Variants in TNS3 observed in about 807,000 individuals in gnomAD.
TNS3 encodes the protein tensin 3, also known as tensin-3.
Under a neutral mutation model 140.9 loss-of-function variants are expected in TNS3, and 45 were observed. The observed-to-expected ratio is 0.32, with a 90% CI of 0.25 to 0.41. The LOEUF (loss-of-function observed/expected upper bound fraction) is 0.41, where lower values mean the gene tolerates loss of function less well. TNS3 is among the 10% of genes least tolerant of loss of function. The pLI is 1.00. For synonymous variants in TNS3, 815 were observed against 788.4 expected (o/e 1.03, Z -0.56); for missense variants, 1,716 against 1,906.7 (o/e 0.90, Z 1.86).
At chr7:47,524,528 C>A (rs1416563525) in intron 2 of TNS3, among the ~76,000 whole-genome samples, 1 of 151,958 alleles carries the variant, frequency 6.6e-6, no homozygotes, top group Non-Finnish European at 1.5e-5. Flanking sequence ...GGAGGCCGGG[C>A]GCGGTGGCTC....
At chr7:47,402,068 C>G (rs969165615) in intron 13 of TNS3, among the ~76,000 whole-genome samples, 3 of 152,176 alleles carry the variant, frequency 2.0e-5, no homozygotes, top group Admixed American at 1.3e-4. Context: ...TCCGGACCAG[C>G]ATGCGGGAGA....
chr7:47,400,088 AC>A (rs1197151860), intron 15 of TNS3, among the ~76,000 whole-genome samples: 3 of 152,122 alleles, frequency 2.0e-5, no homozygotes, highest in Non-Finnish European at 4.4e-5. Context: ...AACATCACTA[AC>A]CCCCAGAGAA....
At chr7:47,461,683 C>T (rs1313969926) in intron 4 of TNS3, among the ~76,000 whole-genome samples, 9 of 152,254 alleles carry the variant, frequency 5.9e-5, no homozygotes, top group Non-Finnish European at 1.5e-5. Context: ...ACTGCGTCTG[C>T]TCCCAACCCT....
chr7:47,439,273 G>A (rs549284874), intron 6 of TNS3, among the ~76,000 whole-genome samples: 20 of 152,320 alleles, frequency 1.3e-4, no homozygotes, highest in Admixed American at 5.9e-4. Context: ...GTCAGCAGTC[G>A]TGTGTCCCTG....
chr7:47,473,093 C>T (rs1797026420), intron 4 of TNS3, among the ~76,000 whole-genome samples: 1 of 152,224 alleles, frequency 6.6e-6, no homozygotes, highest in South Asian at 2.1e-4. Flanking sequence ...TCGTCCTCCA[C>T]CGTGCCCTGC....
intron 22 of TNS3, 56 bp downstream of exon 22, chr7:47,302,894 C>T (rs1562775796): frequency 1.9e-6 from 3 of 1,540,726 alleles, no homozygotes; most frequent in Non-Finnish European, 2.6e-6. Flanking sequence ...CTGAACCCTT[C>T]CCTTCCCCAG....
At chr7:47,348,235 G>T (rs368391035) in intron 17 of TNS3, among the ~76,000 whole-genome samples, 1 of 152,230 alleles carries the variant, frequency 6.6e-6, no homozygotes, top group Non-Finnish European at 1.5e-5. Flanking sequence ...GATAGCCCTG[G>T]GTGTTAGTGA....
In TNS3 at chr7:47,448,463, T is replaced by C. The variant is rs148251147; in HGVS notation, c.-75-6408A>G. 4.3e-4 allele frequency among the ~76,000 whole-genome samples: 63 copies of C among 146,580 alleles called. 1 individual carries two copies. The highest frequency in any genetic ancestry group is 1.6e-3 in the African/African-American group (63 of 39,780). ...CTTGTAATCAATGAGAGCCCAACTC[T>C]GGTGGGAATTCGATTTTTTTTTTTT... On this transcript the variant is annotated intron_variant, in intron 4 of 30. Coordinates refer to ENST00000311160, the MANE Select transcript of TNS3 (RefSeq NM_022748.12).
At chr7:47,521,709 G>A (rs1798986031) in intron 2 of TNS3, among the ~76,000 whole-genome samples, 1 of 152,112 alleles carries the variant, frequency 6.6e-6, no homozygotes, top group Non-Finnish European at 1.5e-5. Context: ...TCCAGCAAGA[G>A]GTCAAAAATG....
intron 17 of TNS3, among the ~76,000 whole-genome samples, chr7:47,361,538 G>A (rs1393672569): frequency 6.6e-6 from 1 of 152,192 alleles, no homozygotes; most frequent in Non-Finnish European, 1.5e-5. Context: ...GTGAGGCTGT[G>A]AGCCTTCTGC....
intron 2 of TNS3, among the ~76,000 whole-genome samples, chr7:47,518,402 G>A (rs1409257611): frequency 1.3e-4 from 20 of 152,036 alleles, no homozygotes; most frequent in Admixed American, 1.2e-3. Flanking sequence ...ACCTCCCCAC[G>A]CCAGATCTGC....
chr7:47,449,117 G>C (rs1795893749), intron 4 of TNS3, among the ~76,000 whole-genome samples: 1 of 152,248 alleles, frequency 6.6e-6, no homozygotes, highest in Non-Finnish European at 1.5e-5. Context: ...AAACTGTACA[G>C]AATCTCTACT....
chr7:47,403,989 T>A (rs1793301620), intron 13 of TNS3, among the ~76,000 whole-genome samples: 1 of 152,266 alleles, frequency 6.6e-6, no homozygotes, highest in African/African-American at 2.4e-5. Flanking sequence ...TCTATAATTT[T>A]CCCTTCATCC....
intron 23 of TNS3, among the ~76,000 whole-genome samples, chr7:47,297,785 G>GTTTT (rs768611066): frequency 2.2e-5 from 3 of 136,292 alleles, no homozygotes; most frequent in Non-Finnish European, 4.7e-5. Flanking sequence ...AAGGAAAGAA[G>GTTTT]TTTTTTTTTT....
At chr7:47,283,541 T>C (rs1347321711) in intron 28 of TNS3, among the ~76,000 whole-genome samples, 156 bp downstream of exon 28, 2 of 152,222 alleles carry the variant, frequency 1.3e-5, no homozygotes, top group Non-Finnish European at 2.9e-5. Context: ...AGGACGTATT[T>C]AATGACAGAA....
At chr7:47,533,123 A>ATATTTTTT (rs1186427934) in intron 1 of TNS3, among the ~76,000 whole-genome samples, 1 of 88,818 alleles carries the variant, frequency 1.1e-5, no homozygotes, top group African/African-American at 6.2e-5. Flanking sequence ...ATATATATAT[A>ATATTTTTT]TTTTTTTTTT....
intron 1 of TNS3, among the ~76,000 whole-genome samples, chr7:47,573,720 G>A (rs1046633544): frequency 2.0e-5 from 3 of 152,080 alleles, no homozygotes; most frequent in Admixed American, 6.5e-5. Context: ...AGGCCTGCCC[G>A]GCCAGGGACC....
chr7:47,422,647 G>T (rs1284535812), intron 10 of TNS3, among the ~76,000 whole-genome samples: 1 of 151,914 alleles, frequency 6.6e-6, no homozygotes, highest in Non-Finnish European at 1.5e-5. Flanking sequence ...AAAAAATGAA[G>T]AGATATCTTC....
At chr7:47,534,930 G>T (rs11971712) in intron 1 of TNS3, among the ~76,000 whole-genome samples, 10,198 of 152,126 alleles carry the variant, frequency 0.067, 1,165 homozygotes, top group African/African-American at 0.23. Flanking sequence ...AGGCATATGA[G>T]ACTCAGGCCT....
Sources: allele counts gnomAD v4.1 joint callset (sites outside exome capture counted in the v4.1 genomes callset), GRCh38; gene constraint gnomAD v4.1.1; transcripts MANE v1.5; gene names NCBI Gene and HGNC (gene_info 2026-07-23, HGNC 2026-07-21).